SLC19A3: variants seen among roughly 807,000 people sequenced by gnomAD.
SLC19A3 encodes the protein solute carrier family 19 member 3.
SLC19A3 carries 31 observed loss-of-function variants against 40.2 expected under a neutral mutation model. The ratio of observed to expected loss-of-function variants is 0.77; its 90% confidence interval spans 0.58 to 1.04. The LOEUF (loss-of-function observed/expected upper bound fraction) is 1.04, where lower values mean the gene tolerates loss of function less well. SLC19A3 is among the 50% of genes least tolerant of loss of function. SLC19A3 has a pLI of 0.00. For synonymous variants in SLC19A3, 212 were observed against 227.5 expected (o/e 0.93, Z 0.61); for missense variants, 592 against 596.7 (o/e 0.99, Z 0.08).
chr2:227,687,423 T>A lies in SLC19A3; in HGVS notation c.1465A>T (p.Asn489Tyr). ...PDVSHPEEESNIIMSTKL is the reference protein window; with the variant it reads ...PDVSHPEEESYIIMSTKL ...TAGAGTTTTGTTGACATGATGATATTACTCTCTTCCTCTGGGTGAGACACA... is the reference window on the plus strand; with the variant it reads ...TAGAGTTTTGTTGACATGATGATATAACTCTCTTCCTCTGGGTGAGACACA... Residue 489 changes from asparagine to tyrosine, a missense_variant, in exon 6 of 6, where the codon AAT becomes TAT. Transcript: ENST00000644224. The A allele has an allele frequency of 6.2e-7, 1 of 1,613,160 alleles. No homozygotes were observed. The highest frequency in any genetic ancestry group is 8.5e-7 in the Non-Finnish European group (1 of 1,179,398).
Position 227,703,825 on chromosome 2 carries a change from T to C in SLC19A3, c.-2-1505A>G, listed in dbSNP as rs1446479779. On this transcript the variant is annotated intron_variant, in intron 1 of 5. Transcript: ENST00000644224. The surrounding 1 kb of genome is among the most constrained non-coding windows in gnomAD (Gnocchi z 4.7). The stretch of plus-strand genomic sequence containing the variant: ...ACCTTTGCTGACCACGGATTTGTTC[T>C]CTAAATCCAGGTCATCATCTTCTCT... Among the ~76,000 whole-genome samples, 6 of 152,214 alleles carry C rather than the reference T, an allele frequency of 3.9e-5. No homozygotes were observed. Among genetic ancestry groups the C allele is most frequent in the Non-Finnish European group, 7.3e-5 (5 of 68,040 alleles).
At chr2:227,712,534 T>G (rs551921614) in intron 1 of SLC19A3, among the ~76,000 whole-genome samples, 1 of 152,290 alleles carries the variant, frequency 6.6e-6, no homozygotes, top group East Asian at 1.9e-4. Flanking sequence ...ATACCAAATG[T>G]TGGCAAAGAT....
chr2:227,700,784 A>G (rs1695655256), intron 2 of SLC19A3: 2 of 578,768 alleles, frequency 3.5e-6, no homozygotes, highest in African/African-American at 1.9e-5. Flanking sequence ...GCTCAATTTA[A>G]TATGGATCAT....
At position 227,703,778 on chromosome 2, in the gene SLC19A3, C is replaced by G. The variant is rs974221325; in HGVS notation, c.-2-1458G>C. ...CTTGCTGGGGTAGCATCTGCTGGCT[C>G]TATATCCAGAGCCTCCTCTCCACCT... is the stretch of plus-strand genomic sequence containing the variant. On this transcript the variant is annotated intron_variant, in intron 1 of 5. Transcript: ENST00000644224. This position sits in a 1 kb window ranked among gnomAD's most constrained non-coding sequence, Gnocchi z 4.7. 2.6e-5 allele frequency among the ~76,000 whole-genome samples: 4 copies of G among 152,148 alleles called. No individual in the cohort carries two copies. Among genetic ancestry groups the G allele is most frequent in the African/African-American group, 7.2e-5 (3 of 41,432 alleles).
chr2:227,715,135 T>G (rs779047052), intron 1 of SLC19A3, among the ~76,000 whole-genome samples: 49 of 150,778 alleles, frequency 3.2e-4, no homozygotes, highest in Admixed American at 2.4e-3. Context: ...CTGACTATTC[T>G]TACTAAAGTC....
At chr2:227,700,760 C>T (rs1695654034) in intron 2 of SLC19A3, among the ~76,000 whole-genome samples, 1 of 152,174 alleles carries the variant, frequency 6.6e-6, no homozygotes, top group African/African-American at 2.4e-5. Flanking sequence ...AACAATTCTG[C>T]TGATTTGTTT....
intron 4 of SLC19A3, among the ~76,000 whole-genome samples, chr2:227,692,605 G>A (rs1695275126): frequency 6.6e-6 from 1 of 152,142 alleles, no homozygotes; most frequent in South Asian, 2.1e-4. Flanking sequence ...GATTGAATGG[G>A]AAAAAGCTGA....
rs375896094 is a variant in SLC19A3, at chr2:227,690,680, C to T, written c.1173-2373G>A. Among the ~76,000 whole-genome samples the T allele has an allele frequency of 2.6e-5, 3 of 115,636 alleles. No individual in the cohort carries two copies. In the East Asian group the frequency reaches 8.6e-4, roughly 33 times the overall value. The allele number at this position is 115,636 out of a possible 152,430, so 75.9% of individuals were successfully genotyped here. On this transcript the variant is annotated intron_variant, in intron 4 of 5. Transcript: ENST00000644224. ...TGAGATCGTGCCACTGCACTCCAGCCTGGGTGACAGACCGAGACTCCATCT... is the reference window on the plus strand; with the variant it reads ...TGAGATCGTGCCACTGCACTCCAGCTTGGGTGACAGACCGAGACTCCATCT...
chr2:227,701,097 G>A, intron 2 of SLC19A3: 1 of 1,299,730 alleles, frequency 7.7e-7, no homozygotes, highest in South Asian at 1.2e-5. Flanking sequence ...CTTAATTGTG[G>A]CATGCTTCAA....
chr2:227,699,668 A>G, intron 2 of SLC19A3, 104 bp from the exon 3 acceptor site: 1 of 941,120 alleles, frequency 1.1e-6, no homozygotes. Context: ...TATTCGCATT[A>G]CGGAGAAACA....
chr2:227,711,300 C>T (rs965645261), intron 1 of SLC19A3, among the ~76,000 whole-genome samples: 19 of 151,880 alleles, frequency 1.3e-4, no homozygotes, highest in Admixed American at 2.6e-4. Context: ...GGTTCCTATA[C>T]TCCCAGCTAC....
chr2:227,688,386 C>G, intron 4 of SLC19A3, 79 bp from the exon 5 acceptor site: 1 of 1,406,814 alleles, frequency 7.1e-7, no homozygotes, highest in Non-Finnish European at 1.0e-6. Flanking sequence ...ATATTGGCCA[C>G]AGGGGTATTT....
chr2:227,714,124 C>T (rs1388669585), intron 1 of SLC19A3, among the ~76,000 whole-genome samples: 2 of 152,158 alleles, frequency 1.3e-5, no homozygotes, highest in Admixed American at 6.6e-5. Context: ...GATTATACCT[C>T]AACTTAAAGA....
intron 4 of SLC19A3, among the ~76,000 whole-genome samples, chr2:227,690,106 A>C (rs1389836590): frequency 1.3e-5 from 2 of 152,344 alleles, no homozygotes; most frequent in African/African-American, 4.8e-5. Context: ...AAACCAGAAA[A>C]GAAATAACAA....
rs543565530 is a variant in SLC19A3, at chr2:227,702,487, G to A, written c.-2-167C>T. Reference sequence around the variant, plus strand: ...CAGCCCATTGCAACCTGTGCCTCCCGGGCTCAAGCCATTCTCCTGCCTCAG... The same window carrying A: ...CAGCCCATTGCAACCTGTGCCTCCCAGGCTCAAGCCATTCTCCTGCCTCAG... On this transcript the variant is annotated intron_variant, in intron 1 of 5. Transcript: ENST00000644224. The A allele has an allele frequency of 2.2e-4, 145 of 645,534 alleles. 1 individual carries two copies. In the East Asian group the frequency reaches 3.6e-3, roughly 16 times the overall value. The allele number at this position is 645,534 out of a possible 1,614,324, so 40.0% of individuals were successfully genotyped here.
At chr2:227,713,635 T>G (rs1696224224) in intron 1 of SLC19A3, among the ~76,000 whole-genome samples, 1 of 151,772 alleles carries the variant, frequency 6.6e-6, no homozygotes, top group Non-Finnish European at 1.5e-5. Flanking sequence ...TTCTTTAGAG[T>G]CCATATTAGA....
rs1170716029 is a variant in SLC19A3 at position 227,699,119 on chromosome 2, A to G, written c.596T>C (p.Phe199Ser). The G allele has an allele frequency of 6.2e-7, 1 of 1,614,204 alleles. No individual in the cohort carries two copies. Residue 199 changes from phenylalanine to serine, a missense_variant, in exon 3 of 6, where the codon TTT becomes TCT. Phe to Ser is a radical substitution (Grantham distance 155). Coordinates refer to ENST00000644224, the MANE Select transcript of SLC19A3 (RefSeq NM_025243.4). ...FLPMPKKSMF[F>S]HAKPSREIKK... is the part of the protein sequence containing the mutation. The stretch of plus-strand genomic sequence containing the variant: ...TATTTCTCTGCTGGGTTTTGCATGA[A>G]AAAACATGCTTTTCTTGGGCATTGG...
chr2:227,702,213 T>TAATTTTGTGA lies in SLC19A3; in HGVS notation c.105_106insTCACAAAATT (p.Ile36SerfsTer12). The TAATTTTGTGA allele has an allele frequency of 6.2e-7, 1 of 1,613,758 alleles. No individual in the cohort carries two copies. The highest frequency in any genetic ancestry group is 8.5e-7 in the Non-Finnish European group (1 of 1,179,798). ...TTATCTGGTCCAGATAAATATGGGA[T>TAATTTTGTGA]AAGGAATGGTTCTGAGGGTCTCATC... is the stretch of plus-strand genomic sequence containing the variant. On this transcript the variant is annotated frameshift_variant, in exon 2 of 6. Coordinates refer to ENST00000644224, the MANE Select transcript of SLC19A3 (RefSeq NM_025243.4). LOFTEE classifies it high-confidence loss of function.
intron 1 of SLC19A3, among the ~76,000 whole-genome samples, chr2:227,712,690 G>T (rs1474636398): frequency 6.6e-6 from 1 of 152,016 alleles, no homozygotes; most frequent in Admixed American, 6.6e-5. Flanking sequence ...CATTAAATGG[G>T]GAATGAATAA....
Sources: gnomAD v4.1 joint callset for allele counts (sites outside exome capture counted in the v4.1 genomes callset) on GRCh38, gnomAD v4.1.1 for gene constraint, Gnocchi (gnomAD v3.1) non-coding constraint, MANE v1.5 for transcripts, NCBI Gene and HGNC (gene_info 2026-07-23, HGNC 2026-07-21) for gene names.